The following UGT1A8 variants were observed in gnomAD, a reference collection of about 807,000 sequenced individuals.
The protein encoded by UGT1A8 is UDP glucuronosyltransferase family 1 member A8.
A neutral mutation model predicts 45.3 loss-of-function variants in UGT1A8; 39 were observed. That is an observed-to-expected ratio of 0.86 (90% CI 0.67 to 1.12). The LOEUF (loss-of-function observed/expected upper bound fraction) is 1.12. Ranked by LOEUF, UGT1A8 falls within the 50% of genes most tolerant of loss-of-function variation. UGT1A8 has a pLI of 0.00. For missense variants in UGT1A8, 719 were observed against 664.9 expected, an observed-to-expected ratio of 1.08 and a Z score of -0.90; for synonymous variants, 275 against 249.2, an observed-to-expected ratio of 1.10 and a Z score of -0.97.
chr2:233,671,261 C>T (rs556711562), intron 1 of UGT1A8, among the ~76,000 whole-genome samples: 5 of 152,296 alleles, frequency 3.3e-5, no homozygotes, highest in Admixed American at 1.3e-4. Flanking sequence ...CCACTGCGTG[C>T]GATGTATCTT....
chr2:233,671,896 TTAG>T, intron 1 of UGT1A8: 1 of 1,570,422 alleles, frequency 6.4e-7, no homozygotes, highest in Non-Finnish European at 8.6e-7. Flanking sequence ...TCATAGGAGC[TTAG>T]ATTCCCAGCT....
At chr2:233,690,776 TACAC>T (rs34459843) in intron 1 of UGT1A8, 316,428 of 1,034,224 alleles carry the variant, frequency 0.31, 30,806 homozygotes, top group South Asian at 0.36. Context: ...CACACACACA[TACAC>T]ACACACACAC....
chr2:233,769,491 G>A lies in UGT1A8; in HGVS notation c.1295+1052G>A. 1 of 1,612,664 alleles carries A rather than the reference G, an allele frequency of 6.2e-7. No individual in the cohort carries two copies. The highest frequency in any genetic ancestry group is 8.5e-7 in the Non-Finnish European group (1 of 1,179,770). On this transcript the variant is annotated intron_variant, in intron 4 of 4. Coordinates refer to ENST00000373450, the MANE Select transcript of UGT1A8 (RefSeq NM_019076.5). This position sits in a 1 kb window ranked among gnomAD's most constrained non-coding sequence, Gnocchi z 4.4. Reference sequence around the variant, plus strand: ...TGTGTGTGTGTGTGCGTGTGTTTATGAGAGTGTCCATTGCTTTCTCCCATG... The same window carrying A: ...TGTGTGTGTGTGTGCGTGTGTTTATAAGAGTGTCCATTGCTTTCTCCCATG...
chr2:233,718,785 G>T (rs544842461), intron 1 of UGT1A8: 1 of 1,612,968 alleles, frequency 6.2e-7, no homozygotes, highest in South Asian at 1.1e-5. Context: ...GGCACAGCGT[G>T]GGGTGGACAG....
intron 1 of UGT1A8, among the ~76,000 whole-genome samples, chr2:233,624,155 G>T (rs2073056971): frequency 1.3e-5 from 2 of 152,070 alleles, no homozygotes; most frequent in Admixed American, 6.6e-5. Flanking sequence ...GCTAAAGTCT[G>T]TTTCCTTCAG....
intron 1 of UGT1A8, among the ~76,000 whole-genome samples, chr2:233,704,138 G>A (rs778432243): frequency 2.6e-5 from 4 of 151,942 alleles, no homozygotes; most frequent in African/African-American, 4.8e-5. Flanking sequence ...TGATCCACCC[G>A]CCTCAGCCTT....
intron 1 of UGT1A8, among the ~76,000 whole-genome samples, chr2:233,766,718 A>C (rs1196148509): frequency 6.6e-6 from 1 of 152,074 alleles, no homozygotes; most frequent in East Asian, 1.9e-4. Flanking sequence ...CTCTAAGTGG[A>C]ATTATCACTG....
chr2:233,707,729 C>T (rs1575486988), intron 1 of UGT1A8, among the ~76,000 whole-genome samples: 1 of 152,064 alleles, frequency 6.6e-6, no homozygotes, highest in South Asian at 2.1e-4. Flanking sequence ...AATGTTACAA[C>T]GAACATTCTT....
intron 1 of UGT1A8, chr2:233,730,081 C>G: frequency 1.2e-6 from 2 of 1,603,798 alleles, no homozygotes; most frequent in Non-Finnish European, 8.5e-7. Context: ...TCCATATTTA[C>G]TTATCTTTCC....
rs573018562 is a variant in UGT1A8 at position 233,765,032 on chromosome 2, G to A, written c.856-2002G>A. On this transcript the variant is annotated intron_variant, in intron 1 of 4. Transcript: ENST00000373450. Reference sequence around the variant, plus strand: ...AATCAGGCTTGGCAGGAGTCCTGCTGTGCAAATTGCGTTTGCTGAGCCCTG... The same window carrying A: ...AATCAGGCTTGGCAGGAGTCCTGCTATGCAAATTGCGTTTGCTGAGCCCTG... 2.6e-5 allele frequency among the ~76,000 whole-genome samples: 4 copies of A among 152,152 alleles called. No homozygotes were observed. In the East Asian group the frequency reaches 7.7e-4, roughly 29 times the overall value.
intron 1 of UGT1A8, chr2:233,747,117 G>C: frequency 6.9e-7 from 1 of 1,451,680 alleles, no homozygotes; most frequent in Non-Finnish European, 9.3e-7. Flanking sequence ...ATGATGATTT[G>C]CTAAGTGGCT....
chr2:233,749,360 T>C (rs1258225347), intron 1 of UGT1A8, among the ~76,000 whole-genome samples: 1 of 151,902 alleles, frequency 6.6e-6, no homozygotes, highest in South Asian at 2.1e-4. Flanking sequence ...AAATAGTGAC[T>C]CTTGCCCTTT....
At chr2:233,727,965 GGT>G (rs2077670166) in intron 1 of UGT1A8, among the ~76,000 whole-genome samples, 2 of 152,222 alleles carry the variant, frequency 1.3e-5, no homozygotes, top group South Asian at 4.1e-4. Context: ...ATCATCCTGA[GGT>G]GACCAGGACA....
At position 233,769,650 on chromosome 2, in the gene UGT1A8, C is replaced by T. The variant is rs895944755; in HGVS notation, c.1295+1211C>T. The T allele has an allele frequency of 1.9e-6, 3 of 1,606,450 alleles. No homozygotes were observed. The South Asian group carries it at 3.3e-5, about 18-fold the overall frequency. The stretch of plus-strand genomic sequence containing the variant: ...ACAACAGGGGAGGACTGATGACTGA[C>T]TTCCCACCTTTGAGGTGCTAATGTG... On this transcript the variant is annotated intron_variant, in intron 4 of 4. Transcript: ENST00000373450. The surrounding 1 kb of genome is among the most constrained non-coding windows in gnomAD (Gnocchi z 4.4).
intron 1 of UGT1A8, among the ~76,000 whole-genome samples, chr2:233,687,829 A>G (rs2074864372): frequency 6.6e-6 from 1 of 152,142 alleles, no homozygotes; most frequent in Non-Finnish European, 1.5e-5. Flanking sequence ...TCTCCTGTAA[A>G]CCCAGGAGGT....
rs777889736 is a variant in UGT1A8, at chr2:233,719,093, C to T, written c.856-47941C>T. On this transcript the variant is annotated intron_variant, in intron 1 of 4. Transcript: ENST00000373450. ...CATGGACCCAGAAGGAATTTGATCGCGTTACGCTGGGCTACACTCAAGGGT... is the reference window on the plus strand; with the variant it reads ...CATGGACCCAGAAGGAATTTGATCGTGTTACGCTGGGCTACACTCAAGGGT... 15 of 1,614,122 alleles carry T rather than the reference C, an allele frequency of 9.3e-6. No homozygotes were observed. The Admixed American group carries it at 1.0e-4, about 11-fold the overall frequency.
chr2:233,691,901 C>A (rs1410907796), intron 1 of UGT1A8: 2 of 153,208 alleles, frequency 1.3e-5, no homozygotes, highest in Non-Finnish European at 2.9e-5. Context: ...GACACAGCTC[C>A]TGAAACCATA....
At chr2:233,621,899 G>A (rs187592320) in intron 1 of UGT1A8, among the ~76,000 whole-genome samples, 3 of 152,022 alleles carry the variant, frequency 2.0e-5, no homozygotes, top group African/African-American at 4.8e-5. Flanking sequence ...CCCCATGACA[G>A]GCCCCAGTGT....
intron 1 of UGT1A8, chr2:233,637,148 A>G (rs1346273050): frequency 6.2e-7 from 1 of 1,613,840 alleles, no homozygotes; most frequent in Non-Finnish European, 8.5e-7. Flanking sequence ...AGAGTATGGA[A>G]CCACATCGTG....
Sources: allele counts gnomAD v4.1 joint callset (sites outside exome capture counted in the v4.1 genomes callset), GRCh38; gene constraint gnomAD v4.1.1; non-coding constraint Gnocchi (gnomAD v3.1); transcripts MANE v1.5; gene names NCBI Gene and HGNC (gene_info 2026-07-23, HGNC 2026-07-21).